The following DLG2 variants were observed in gnomAD, a reference collection of about 807,000 sequenced individuals.
DLG2 encodes disks large homolog 2.
In DLG2, 45 loss-of-function variants were observed where a neutral mutation model predicts 132.5. The observed-to-expected ratio is 0.34, with a 90% CI of 0.27 to 0.44. The LOEUF is 0.44. DLG2 is among the 20% of genes least tolerant of loss of function. DLG2 has a pLI of 1.00. For missense variants in DLG2, 1,045 were observed against 1,196.9 expected (o/e 0.87, Z 1.87); for synonymous variants, 424 against 419.6 (o/e 1.01, Z -0.13).
chr11:84,406,091 C>T (rs1013491119), intron 7 of DLG2, among the ~76,000 whole-genome samples: 23 of 152,062 alleles, frequency 1.5e-4, no homozygotes, highest in African/African-American at 4.6e-4. Flanking sequence ...TCTAGTGCTA[C>T]CTGAAGTCTG....
intron 6 of DLG2, among the ~76,000 whole-genome samples, chr11:85,058,142 T>C (rs191340760): frequency 4.6e-5 from 7 of 151,508 alleles, no homozygotes; most frequent in Non-Finnish European, 8.9e-5. Context: ...ATTATTTACA[T>C]AGTAAATCCA....
chr11:84,522,659 AC>A (rs1320333364), intron 7 of DLG2, among the ~76,000 whole-genome samples: 2 of 152,110 alleles, frequency 1.3e-5, no homozygotes, highest in African/African-American at 4.8e-5. Flanking sequence ...AATCAATTCA[AC>A]CTTCTCTACC....
chr11:85,387,342 T>A (rs369146149), intron 3 of DLG2, among the ~76,000 whole-genome samples: 1 of 152,206 alleles, frequency 6.6e-6, no homozygotes, highest in South Asian at 2.1e-4. Flanking sequence ...CCATTCTACC[T>A]CAAGACTATT....
intron 6 of DLG2, among the ~76,000 whole-genome samples, chr11:84,978,343 A>G (rs1217432559): frequency 6.6e-6 from 1 of 152,228 alleles, no homozygotes; most frequent in East Asian, 1.9e-4. Flanking sequence ...AAGAGCCCGC[A>G]TTGCCAAGAC....
chr11:84,530,552 A>G (rs2099334581), intron 7 of DLG2, among the ~76,000 whole-genome samples: 1 of 152,232 alleles, frequency 6.6e-6, no homozygotes, highest in Non-Finnish European at 1.5e-5. Context: ...CATTTGAGTA[A>G]TGCAAATCAA....
chr11:85,592,310 T>G (rs2079410738), intron 3 of DLG2, among the ~76,000 whole-genome samples: 1 of 152,238 alleles, frequency 6.6e-6, no homozygotes, highest in Non-Finnish European at 1.5e-5. Flanking sequence ...AAATAAGTAT[T>G]GTAAACAAAT....
intron 3 of DLG2, among the ~76,000 whole-genome samples, chr11:85,320,793 G>T (rs999398050): frequency 6.6e-6 from 1 of 151,782 alleles, no homozygotes; most frequent in Non-Finnish European, 1.5e-5. Context: ...TACTATTCAT[G>T]CTCAAGAATC....
At chr11:83,730,145 G>GTT (rs2090739546) in intron 18 of DLG2, among the ~76,000 whole-genome samples, 3 of 118,934 alleles carry the variant, frequency 2.5e-5, no homozygotes, top group Admixed American at 7.8e-5. Context: ...GTTTTTTTAT[G>GTT]GTTTTTTTTT....
At chr11:84,803,554 G>T (rs888644337) in intron 6 of DLG2, among the ~76,000 whole-genome samples, 1 of 152,130 alleles carries the variant, frequency 6.6e-6, no homozygotes, top group Non-Finnish European at 1.5e-5. Flanking sequence ...TAGACTCAGG[G>T]TTCTAACATT....
At chr11:85,069,907 T>C (rs1167813558) in intron 6 of DLG2, among the ~76,000 whole-genome samples, 2 of 152,096 alleles carry the variant, frequency 1.3e-5, no homozygotes, top group African/African-American at 4.8e-5. Flanking sequence ...CCAACCCAAG[T>C]GTCCATCAAT....
intron 6 of DLG2, among the ~76,000 whole-genome samples, chr11:84,745,571 T>C (rs2065254634): frequency 6.6e-6 from 1 of 152,192 alleles, no homozygotes; most frequent in Admixed American, 6.5e-5. Flanking sequence ...TTTGCAGCAA[T>C]ATGAGAATGG....
At chr11:84,846,113 A>T (rs1426344399) in intron 6 of DLG2, among the ~76,000 whole-genome samples, 1 of 151,960 alleles carries the variant, frequency 6.6e-6, no homozygotes, top group Non-Finnish European at 1.5e-5. Context: ...TTTCAAGGTG[A>T]TCTCATCTAG....
At position 84,282,103 on chromosome 11, in the gene DLG2, C is replaced by G. The variant is rs1301960801; in HGVS notation, c.520-30812G>C. On this transcript the variant is annotated intron_variant, in intron 7 of 27. Transcript: ENST00000376104. Reference sequence around the variant, plus strand: ...TAGCTTTATCTGTAATAGCCAAAAGCTTGAAATAACATCAAAAGATGAATA... The same window carrying G: ...TAGCTTTATCTGTAATAGCCAAAAGGTTGAAATAACATCAAAAGATGAATA... Among the ~76,000 whole-genome samples the G allele has an allele frequency of 2.6e-5, 4 of 152,136 alleles. No homozygotes were observed. In the South Asian group the frequency reaches 8.3e-4, roughly 32 times the overall value.
At chr11:84,420,406 A>T (rs1244567322) in intron 7 of DLG2, among the ~76,000 whole-genome samples, 2 of 152,146 alleles carry the variant, frequency 1.3e-5, no homozygotes, top group South Asian at 4.1e-4. Context: ...TACTGCATTA[A>T]CAGTCACTGA....
chr11:84,116,369 A>G (rs1302218574), intron 9 of DLG2, among the ~76,000 whole-genome samples: 1 of 152,220 alleles, frequency 6.6e-6, no homozygotes, highest in Non-Finnish European at 1.5e-5. Flanking sequence ...TCCATTCTCA[A>G]GTGGCTAATA....
At position 84,522,915 on chromosome 11, in the gene DLG2, T is replaced by C. The variant is rs1591504814; in HGVS notation, c.519+11655A>G. Among the ~76,000 whole-genome samples the C allele has an allele frequency of 2.6e-5, 4 of 152,366 alleles. No homozygotes were observed. The South Asian group carries it at 8.3e-4, about 32-fold the overall frequency. Reference sequence around the variant, plus strand: ...GCCTCAAAAGAAAGCCATTTCTTTATGCTTTAGTAAATTCTTGTTTGGACC... The same window carrying C: ...GCCTCAAAAGAAAGCCATTTCTTTACGCTTTAGTAAATTCTTGTTTGGACC... On this transcript the variant is annotated intron_variant, in intron 7 of 27. Transcript: ENST00000376104.
chr11:85,094,758 T>C (rs974603533), intron 6 of DLG2, among the ~76,000 whole-genome samples: 5 of 152,246 alleles, frequency 3.3e-5, no homozygotes, highest in African/African-American at 1.2e-4. Flanking sequence ...CACTTTCTTA[T>C]CATTCATGTG....
At chr11:84,982,727 T>C (rs115626027) in intron 6 of DLG2, among the ~76,000 whole-genome samples, 1 of 152,012 alleles carries the variant, frequency 6.6e-6, no homozygotes, top group Non-Finnish European at 1.5e-5. Flanking sequence ...AAAATAATTA[T>C]ATACCAAGAT....
chr11:84,993,497 G>A (rs1187034871), intron 6 of DLG2, among the ~76,000 whole-genome samples: 5 of 152,188 alleles, frequency 3.3e-5, no homozygotes, highest in East Asian at 1.9e-4. Context: ...AAAGATTAGG[G>A]TGCAAGTGTA....
Sources: gnomAD v4.1 joint callset for allele counts (sites outside exome capture counted in the v4.1 genomes callset) on GRCh38, gnomAD v4.1.1 for gene constraint, MANE v1.5 for transcripts, NCBI Gene and HGNC (gene_info 2026-07-23, HGNC 2026-07-21) for gene names.